Variants in ERC2 observed in about 807,000 individuals in gnomAD.
ERC2 encodes ELKS/RAB6-interacting/CAST family member 2, also known as ERC protein 2.
ERC2 carries 42 observed loss-of-function variants against 114.8 expected under a neutral mutation model. That is an observed-to-expected ratio of 0.37 (90% CI 0.29 to 0.47). ERC2 has a LOEUF of 0.47. Ranked by LOEUF, ERC2 falls within the 20% of genes least tolerant of loss-of-function variation. The probability of loss-of-function intolerance (pLI) is 0.99; values close to 1 mark genes in which losing one functional copy is unlikely to be tolerated. For missense variants in ERC2, 939 were observed against 1,150.7 expected, an observed-to-expected ratio of 0.82 and a Z score of 2.66; for synonymous variants, 454 against 425.5, an observed-to-expected ratio of 1.07 and a Z score of -0.82.
intron 14 of ERC2, among the ~76,000 whole-genome samples, chr3:55,738,502 C>G (rs1575440475): frequency 6.6e-6 from 1 of 152,068 alleles, no homozygotes. Flanking sequence ...TGCTCATTTT[C>G]CCACCCAGGC....
chr3:55,621,707 G>A (rs2059336724), intron 17 of ERC2, among the ~76,000 whole-genome samples: 1 of 152,184 alleles, frequency 6.6e-6, no homozygotes, highest in Admixed American at 6.5e-5. Flanking sequence ...GGTGGTCAGG[G>A]GAGATTCCTT....
intron 14 of ERC2, among the ~76,000 whole-genome samples, chr3:55,851,288 G>A (rs1474749257): frequency 1.3e-5 from 2 of 152,110 alleles, no homozygotes; most frequent in Non-Finnish European, 2.9e-5. Flanking sequence ...CCTCCCCAGA[G>A]TCCAGGCTTT....
chr3:56,204,214 T>C (rs2048570874), intron 3 of ERC2, among the ~76,000 whole-genome samples: 1 of 152,210 alleles, frequency 6.6e-6, no homozygotes, highest in East Asian at 1.9e-4. Context: ...ATGCTAACAA[T>C]ACAACTTTGA....
At chr3:56,017,594 C>T (rs1305235946) in intron 8 of ERC2, among the ~76,000 whole-genome samples, 1 of 152,140 alleles carries the variant, frequency 6.6e-6, no homozygotes, top group Admixed American at 6.5e-5. Flanking sequence ...TCCACAAGGG[C>T]TCCTGGCTCA....
chr3:56,080,674 G>A (rs2077187345), intron 7 of ERC2, 143 bp downstream of exon 7: 1 of 737,164 alleles, frequency 1.4e-6, no homozygotes, highest in East Asian at 2.7e-5. Context: ...GCAACTACCA[G>A]TAAGTGAAAC....
At chr3:55,759,462 T>TAA (rs540204065) in intron 14 of ERC2, among the ~76,000 whole-genome samples, 30 of 36,076 alleles carry the variant, frequency 8.3e-4, no homozygotes, top group African/African-American at 3.0e-3. Flanking sequence ...TCTCTTTCAT[T>TAA]AAAAAAAAAA....
chr3:55,756,941 C>A (rs2067099752), intron 14 of ERC2, among the ~76,000 whole-genome samples: 1 of 152,048 alleles, frequency 6.6e-6, no homozygotes, highest in Non-Finnish European at 1.5e-5. Flanking sequence ...AAAGTATACC[C>A]AAATCCACGT....
intron 7 of ERC2, among the ~76,000 whole-genome samples, chr3:56,065,526 A>T (rs551023776): frequency 2.0e-5 from 3 of 149,602 alleles, no homozygotes; most frequent in South Asian, 2.1e-4. Flanking sequence ...TTCTTTTTTA[A>T]AAAAAAAAAA....
intron 17 of ERC2, among the ~76,000 whole-genome samples, chr3:55,680,889 C>T (rs987055680): frequency 1.3e-5 from 2 of 152,186 alleles, no homozygotes; most frequent in African/African-American, 2.4e-5. Context: ...GCATAGACTA[C>T]ATAATTAGTG....
At chr3:55,972,516 G>A (rs2069243342) in intron 12 of ERC2, among the ~76,000 whole-genome samples, 1 of 152,206 alleles carries the variant, frequency 6.6e-6, no homozygotes, top group Non-Finnish European at 1.5e-5. Context: ...CTATGAGTGA[G>A]AACATGCAGT....
intron 3 of ERC2, among the ~76,000 whole-genome samples, chr3:56,233,775 AG>A: frequency 6.6e-6 from 1 of 152,256 alleles, no homozygotes; most frequent in Non-Finnish European, 1.5e-5. Flanking sequence ...CACCTTCTAG[AG>A]GTGGCCCGTA....
intron 6 of ERC2, among the ~76,000 whole-genome samples, chr3:56,119,507 ATCTTT>A (rs2079452928): frequency 6.6e-6 from 1 of 152,202 alleles, no homozygotes; most frequent in Non-Finnish European, 1.5e-5. Flanking sequence ...CAGATTAAGC[ATCTTT>A]TCCCAGTAAG....
At chr3:55,548,465 A>C (rs184808310) in intron 17 of ERC2, among the ~76,000 whole-genome samples, 1 of 152,018 alleles carries the variant, frequency 6.6e-6, no homozygotes, top group Non-Finnish European at 1.5e-5. Context: ...CTACACAGTT[A>C]CTCTTAATTT....
At chr3:56,388,003 T>C (rs1173021215) in intron 2 of ERC2, among the ~76,000 whole-genome samples, 1 of 152,216 alleles carries the variant, frequency 6.6e-6, no homozygotes, top group Non-Finnish European at 1.5e-5. Context: ...TTCCATTCTA[T>C]TTCTCCCCAT....
At chr3:55,513,587 G>A (rs1272446731) in intron 17 of ERC2, among the ~76,000 whole-genome samples, 1 of 151,900 alleles carries the variant, frequency 6.6e-6, no homozygotes, top group African/African-American at 2.4e-5. Context: ...GAATTGTCTA[G>A]ACTTGTACAT....
chr3:55,655,100 T>A (rs2060800734), intron 17 of ERC2, among the ~76,000 whole-genome samples: 1 of 151,892 alleles, frequency 6.6e-6, no homozygotes, highest in Non-Finnish European at 1.5e-5. Context: ...GACACACATA[T>A]CACAGCTCCC....
chr3:55,552,695 T>C (rs1323884122), intron 17 of ERC2, among the ~76,000 whole-genome samples: 5 of 151,712 alleles, frequency 3.3e-5, no homozygotes, highest in Non-Finnish European at 7.4e-5. Context: ...TTAGCATTTA[T>C]ATCTTACAAT....
At chr3:55,910,245 TA>T (rs1265742205) in intron 13 of ERC2, among the ~76,000 whole-genome samples, 1 of 151,222 alleles carries the variant, frequency 6.6e-6, no homozygotes, top group Non-Finnish European at 1.5e-5. Flanking sequence ...ACAAAAAAAA[TA>T]GCTGGCATGG....
rs978543995 is a variant in ERC2, at chr3:56,399,671, GCA to G, written c.657+34678_657+34679del. 8.2e-4 allele frequency among the ~76,000 whole-genome samples: 116 copies of G among 141,780 alleles called. 1 individual carries two copies. Among genetic ancestry groups the G allele is most frequent in the African/African-American group, 2.6e-3 (105 of 40,792 alleles). The allele number at this position is 141,780 out of a possible 152,430, so 93.0% of individuals were successfully genotyped here. On this transcript the variant is annotated intron_variant, in intron 2 of 17. Transcript: ENST00000288221. ...AAGAAATCAAGAACCTTAGTTCTAA[GCA>G]CATTTTTTATTCCAAATAATGTATA...
Sources: allele counts gnomAD v4.1 joint callset (sites outside exome capture counted in the v4.1 genomes callset), GRCh38; gene constraint gnomAD v4.1.1; transcripts MANE v1.5; gene names NCBI Gene and HGNC (gene_info 2026-07-23, HGNC 2026-07-21).